The following ATP13A3 variants were observed in gnomAD, a reference collection of about 807,000 sequenced individuals.
The protein encoded by ATP13A3 is polyamine-transporting ATPase 13A3.
ATP13A3 carries 59 observed loss-of-function variants against 158.1 expected under a neutral mutation model. That is an observed-to-expected ratio of 0.37 (90% CI 0.30 to 0.46). The LOEUF is 0.46. ATP13A3 is among the 20% of genes least tolerant of loss of function. The pLI is 1.00. For missense variants in ATP13A3, 1,166 were observed against 1,525.2 expected (o/e 0.76, Z 3.92); for synonymous variants, 491 against 504.3 (o/e 0.97, Z 0.35).
Position 194,441,448 on chromosome 3 carries a change from C to T in ATP13A3, c.1573G>A (p.Glu525Lys). The T allele has an allele frequency of 6.2e-7, 1 of 1,613,022 alleles. No individual in the cohort carries two copies. The highest frequency in any genetic ancestry group is 1.7e-5 in the Admixed American group (1 of 59,978). Residue 525 changes from glutamate to lysine, a missense_variant, in exon 16 of 34, where the codon GAA becomes AAA. This residue lies in a region of ATP13A3 where 997 missense variants were observed against 1,341.2 expected (regional missense o/e 0.74). Coordinates refer to ENST00000645319, the MANE Select transcript of ATP13A3 (RefSeq NM_001367549.1). Reference sequence around the variant, plus strand: ...AACATCTCATTGCACACATTTTCTTCTGGTGAAAGAAATCTAAGCAGAAGA... The same window carrying T: ...AACATCTCATTGCACACATTTTCTTTTGGTGAAAGAAATCTAAGCAGAAGA... ...RVENARFLSP[E>K]ENVCNEMLVK...
chr3:194,418,328 A>G (rs1341190817), intron 31 of ATP13A3, among the ~76,000 whole-genome samples: 1 of 151,768 alleles, frequency 6.6e-6, no homozygotes. Context: ...TCAGACTATA[A>G]GTTTGTTTTT....
At position 194,480,833 on chromosome 3, in the gene ATP13A3, G is replaced by T. The variant is rs541172557; in HGVS notation, c.-47+4961C>A. Among the ~76,000 whole-genome samples, 82 of 152,262 alleles carry T rather than the reference G, an allele frequency of 5.4e-4. No homozygotes were observed. The South Asian group carries it at 0.014, about 26-fold the overall frequency. ...TTCCTTTACATCCCTGTCCCAGAGT[G>T]AGCATGAAATGAAGACTATAAATCC... On this transcript the variant is annotated intron_variant, in intron 2 of 33. Coordinates refer to ENST00000645319, the MANE Select transcript of ATP13A3 (RefSeq NM_001367549.1).
At position 194,425,361 on chromosome 3, in the gene ATP13A3, C is replaced by G; in HGVS notation, c.3294G>C (p.Arg1098Ser). The change falls in exon 30 of 34, where the codon AGG becomes AGC. Residue 1098 changes from arginine to serine, a missense_variant. Arg to Ser is a moderately radical substitution (Grantham distance 110, BLOSUM62 -1). This residue lies in a region of ATP13A3 where 997 missense variants were observed against 1,341.2 expected (regional missense o/e 0.74). Coordinates refer to ENST00000645319, the MANE Select transcript of ATP13A3 (RefSeq NM_001367549.1). ...AIAFSKGKPF[R>S]QPCYKNYFFV... ...ACTTACAATTTTTGTAGCAAGGTTG[C>G]CTGAAGGGTTTTCCTTTTGAAAAGG... 6.2e-7 allele frequency: 1 copy of G among 1,612,154 alleles called. No individual in the cohort carries two copies. Among genetic ancestry groups the G allele is most frequent in the Non-Finnish European group, 8.5e-7 (1 of 1,179,376 alleles).
intron 28 of ATP13A3, 101 bp from the exon 29 acceptor site, chr3:194,427,353 G>T: frequency 9.3e-7 from 1 of 1,072,510 alleles, no homozygotes; most frequent in Non-Finnish European, 1.3e-6. Context: ...ATTTGTTTTT[G>T]CCTAACAATT....
chr3:194,421,134 A>AC (rs1716283666), intron 30 of ATP13A3, among the ~76,000 whole-genome samples: 6 of 20,574 alleles, frequency 2.9e-4, no homozygotes, highest in African/African-American at 2.8e-3. Flanking sequence ...ATATATATAT[A>AC]TAGTATATAT....
At chr3:194,418,923 A>G (rs1453992459) in intron 31 of ATP13A3, among the ~76,000 whole-genome samples, 1 of 152,186 alleles carries the variant, frequency 6.6e-6, no homozygotes, top group Non-Finnish European at 1.5e-5. Context: ...CAAATTCTCT[A>G]CAGCATCGCA....
intron 30 of ATP13A3, among the ~76,000 whole-genome samples, chr3:194,423,881 A>G (rs1716567059): frequency 6.8e-6 from 1 of 147,410 alleles, no homozygotes; most frequent in Non-Finnish European, 1.5e-5. Context: ...TCTAAAATTA[A>G]CTTTCTTGAT....
intron 2 of ATP13A3, among the ~76,000 whole-genome samples, chr3:194,474,379 C>G (rs1720435689): frequency 6.6e-6 from 1 of 152,074 alleles, no homozygotes; most frequent in Non-Finnish European, 1.5e-5. Flanking sequence ...GTCTCAAACA[C>G]CTGGGCTCAA....
intron 20 of ATP13A3, among the ~76,000 whole-genome samples, chr3:194,436,611 A>G (rs2108843356): frequency 6.6e-6 from 1 of 152,370 alleles, no homozygotes; most frequent in East Asian, 1.9e-4. Context: ...AACATAGGTA[A>G]ACAGTCAACA....
chr3:194,484,120 A>C (rs1577098526), intron 2 of ATP13A3, among the ~76,000 whole-genome samples: 3 of 152,320 alleles, frequency 2.0e-5, no homozygotes, highest in Admixed American at 2.0e-4. Context: ...TATGTTGCCT[A>C]GTCACATACA....
upstream of ATP13A3, among the ~76,000 whole-genome samples, chr3:194,491,969 G>A (rs1438251983): frequency 2.0e-5 from 3 of 152,086 alleles, no homozygotes; most frequent in Non-Finnish European, 2.9e-5. Context: ...CACCTCCAGT[G>A]CATTATCACA....
intron 7 of ATP13A3, 152 bp from the exon 8 acceptor site, chr3:194,456,114 A>C: frequency 2.1e-6 from 1 of 486,434 alleles, no homozygotes; most frequent in Non-Finnish European, 3.6e-6. Context: ...CTACCTACAG[A>C]ATTTAAAACA....
At chr3:194,408,585 A>G (rs1464003363) in intron 33 of ATP13A3, among the ~76,000 whole-genome samples, 2 of 152,220 alleles carry the variant, frequency 1.3e-5, no homozygotes, top group African/African-American at 4.8e-5. Context: ...CAATAACTGA[A>G]TAGGATTCTT....
chr3:194,447,069 A>C lies in ATP13A3; in HGVS notation c.1355T>G (p.Ile452Ser). The C allele has an allele frequency of 6.2e-7, 1 of 1,612,092 alleles. No homozygotes were observed. ...AGCAGGAAGTGCAGGGGGCACAGTA[A>C]TTGTGATAATATCAAGAGACTCGAT... ...IIIESLDIITITVPPALPAAM... is the reference protein window; with the variant it reads ...IIIESLDIITSTVPPALPAAM... The change falls in exon 14 of 34, where the codon ATT (isoleucine) becomes AGT (serine). Residue 452 changes from isoleucine to serine, a missense_variant. This residue lies in a region of ATP13A3 where 997 missense variants were observed against 1,341.2 expected (regional missense o/e 0.74). Transcript: ENST00000645319.
chr3:194,405,686 T>C lies in ATP13A3; in HGVS notation c.*233A>G, dbSNP rs1169891506. 4 of 453,802 alleles carry C rather than the reference T, an allele frequency of 8.8e-6. No homozygotes were observed. Among genetic ancestry groups the C allele is most frequent in the Non-Finnish European group, 1.6e-5 (4 of 254,532 alleles). 28.1% of individuals were successfully genotyped at this position (453,802 alleles called of 1,614,324 possible). A position where few individuals can be genotyped will look rare whatever the true frequency, so the allele number is the denominator to read the frequency against. ...GAAAATTCTGGAAATGTATGTAATA[T>C]TTGGGTTGCTGAATGAAGATATAGG... On this transcript the variant is annotated 3_prime_UTR_variant, in exon 34 of 34. Coordinates refer to ENST00000645319, the MANE Select transcript of ATP13A3 (RefSeq NM_001367549.1).
intron 17 of ATP13A3, 67 bp downstream of exon 17, chr3:194,438,789 T>C (rs1405563582): frequency 1.8e-6 from 2 of 1,111,140 alleles, no homozygotes; most frequent in Admixed American, 5.0e-5. Flanking sequence ...AAATAAAAAT[T>C]GAAAAAAATT....
At chr3:194,450,837 T>G (rs1253291638) in intron 10 of ATP13A3, 2 of 152,264 alleles carry the variant, frequency 1.3e-5, no homozygotes, top group Non-Finnish European at 2.9e-5. Context: ...AAATAAACAC[T>G]GTAATATTTT....
At chr3:194,410,414 C>T (rs1715320472) in intron 33 of ATP13A3, among the ~76,000 whole-genome samples, 1 of 131,490 alleles carries the variant, frequency 7.6e-6, no homozygotes, top group African/African-American at 2.8e-5. Flanking sequence ...AACAAACAAA[C>T]AAAAGTTGCC....
chr3:194,424,048 A>G (rs1358750269), intron 30 of ATP13A3, among the ~76,000 whole-genome samples: 1 of 152,014 alleles, frequency 6.6e-6, no homozygotes, highest in Non-Finnish European at 1.5e-5. Flanking sequence ...ACCAATGCTA[A>G]TGATTAAATG....
Sources: allele counts gnomAD v4.1 joint callset (sites outside exome capture counted in the v4.1 genomes callset), GRCh38; gene constraint gnomAD v4.1.1; regional missense constraint gnomAD v4.1.1; transcripts MANE v1.5; gene names NCBI Gene and HGNC (gene_info 2026-07-23, HGNC 2026-07-21).